TPGS1: variants seen among roughly 807,000 people sequenced by gnomAD.
TPGS1 encodes the protein gene trap ROSA b-geo 22.
Under a neutral mutation model 11.9 loss-of-function variants are expected in TPGS1, and 18 were observed. That is an observed-to-expected ratio of 1.51 (90% confidence interval 1.04 to 2.24). The LOEUF (loss-of-function observed/expected upper bound fraction) is 2.24, where lower values mean the gene tolerates loss of function less well. TPGS1 is among the 30% of genes most tolerant of loss of function. The pLI, the probability that TPGS1 is intolerant of heterozygous loss-of-function variation, is 0.00. For missense variants in TPGS1, 500 were observed against 443.0 expected, an observed-to-expected ratio of 1.13 and a Z score of -1.16; for synonymous variants, 247 against 218.2, an observed-to-expected ratio of 1.13 and a Z score of -1.16.
intron 1 of TPGS1, among the ~76,000 whole-genome samples, chr19:516,761 A>T (rs538934723): frequency 5.9e-5 from 9 of 152,240 alleles, no homozygotes; most frequent in Non-Finnish European, 7.4e-5. Flanking sequence ...CGTGCTAGGG[A>T]GGTAAGCAGG....
intron 1 of TPGS1, among the ~76,000 whole-genome samples, chr19:513,889 CACAACCCCAGCATT>C: frequency 6.6e-6 from 1 of 151,962 alleles, no homozygotes; most frequent in African/African-American, 2.4e-5. Flanking sequence ...ACCCACTGCA[CACAACCCCAGCATT>C]ACTGAGCACC....
intron 1 of TPGS1, among the ~76,000 whole-genome samples, chr19:517,114 C>G (rs949452425): frequency 6.6e-5 from 10 of 151,760 alleles, no homozygotes; most frequent in Non-Finnish European, 1.0e-4. Context: ...AGGGCAGGTG[C>G]TCACACTGGT....
At chr19:518,123 A>G (rs1441695953) in intron 1 of TPGS1, among the ~76,000 whole-genome samples, 25 of 37,490 alleles carry the variant, frequency 6.7e-4, no homozygotes, top group East Asian at 8.8e-4. Context: ...GCTGGGAGGA[A>G]GGAGGCCAGG....
At chr19:514,081 A>T (rs1292629413) in intron 1 of TPGS1, among the ~76,000 whole-genome samples, 4 of 150,922 alleles carry the variant, frequency 2.7e-5, no homozygotes, top group African/African-American at 9.8e-5. Context: ...ACATTTGCTG[A>T]GCACCTACTA....
intron 1 of TPGS1, among the ~76,000 whole-genome samples, chr19:511,647 C>T (rs1426523062): frequency 1.3e-5 from 2 of 152,252 alleles, no homozygotes; most frequent in Non-Finnish European, 1.5e-5. Flanking sequence ...CAGAGCCCTG[C>T]ACACCGAGGG....
In TPGS1 at chr19:511,772, C is replaced by G. The variant is rs561259310; in HGVS notation, c.338+3928C>G. 5.9e-5 allele frequency among the ~76,000 whole-genome samples: 9 copies of G among 152,394 alleles called. No homozygotes were observed. In the South Asian group the frequency reaches 1.4e-3, roughly 25 times the overall value. ...AATCCCGGCCCACAGACCTGTCAGT[C>G]AGAAGCTGCGAGCACGACAGGAACC... On this transcript the variant is annotated intron_variant, in intron 1 of 1. Coordinates refer to ENST00000359315, the MANE Select transcript of TPGS1 (RefSeq NM_033513.3).
At chr19:510,869 C>A (rs1040395902) in intron 1 of TPGS1, among the ~76,000 whole-genome samples, 3 of 152,228 alleles carry the variant, frequency 2.0e-5, no homozygotes, top group Non-Finnish European at 4.4e-5. Flanking sequence ...GTCCTGGGTA[C>A]TGCAGGGCCC....
Position 519,336 on chromosome 19 carries a change from G to T in TPGS1, c.786G>T (p.Gly262=), listed in dbSNP as rs112370786. 8.4e-7 allele frequency: 1 copy of T among 1,196,448 alleles called. No homozygotes were observed. Among genetic ancestry groups the T allele is most frequent in the Non-Finnish European group, 1.0e-6 (1 of 965,028 alleles). The allele number at this position is 1,196,448 out of a possible 1,614,324, so 74.1% of individuals were successfully genotyped here. Reference sequence around the variant, plus strand: ...TGGCGCTGGACCGCGCCGTCGGGGGGCGGCGGCCCAGCGCGCCCATGACCC... The same window carrying T: ...TGGCGCTGGACCGCGCCGTCGGGGGTCGGCGGCCCAGCGCGCCCATGACCC... The part of the protein sequence containing the change: ...LALALDRAVG[G]RRPSAPMTRE... Residue 262 remains glycine (G), a synonymous_variant, in exon 2 of 2, where the codon GGG becomes GGT. Transcript: ENST00000359315.
At chr19:513,350 T>C (rs11085082) in intron 1 of TPGS1, among the ~76,000 whole-genome samples, 32,528 of 152,164 alleles carry the variant, frequency 0.21, 4,043 homozygotes, top group Admixed American at 0.34. Context: ...AAAAGGAGCG[T>C]ACAGCCAGAT....
chr19:514,103 T>C (rs1011565613), intron 1 of TPGS1, among the ~76,000 whole-genome samples: 1 of 145,258 alleles, frequency 6.9e-6, no homozygotes, highest in East Asian at 2.1e-4. Context: ...GTACCAGCCC[T>C]GCATTCACTA....
chr19:519,521 C>G lies in TPGS1; in HGVS notation c.*98C>G, dbSNP rs1255435266. 6 of 1,077,870 alleles carry G rather than the reference C, an allele frequency of 5.6e-6. No individual in the cohort carries two copies. In the African/African-American group the frequency reaches 8.4e-5, roughly 15 times the overall value. The allele number at this position is 1,077,870 out of a possible 1,614,324, so 66.8% of individuals were successfully genotyped here. On this transcript the variant is annotated 3_prime_UTR_variant, in exon 2 of 2. Transcript: ENST00000359315. Reference sequence around the variant, plus strand: ...TCGCCCTGGTGAGGCCCTGCCATAACCAGGCGCCCAGCCCTGCGGAGGAGG... The same window carrying G: ...TCGCCCTGGTGAGGCCCTGCCATAAGCAGGCGCCCAGCCCTGCGGAGGAGG...
chr19:511,083 CA>C (rs1202786321), intron 1 of TPGS1, among the ~76,000 whole-genome samples: 2 of 152,254 alleles, frequency 1.3e-5, no homozygotes, highest in Non-Finnish European at 2.9e-5. Context: ...ACACGCCTTA[CA>C]AACCGCTCTG....
rs1355917033 is a variant in TPGS1, at chr19:519,552, G to A, written c.*129G>A. The A allele has an allele frequency of 2.7e-5, 25 of 931,324 alleles. No homozygotes were observed. Among genetic ancestry groups the A allele is most frequent in the Non-Finnish European group, 3.4e-5 (25 of 734,578 alleles). 57.7% of individuals were successfully genotyped at this position (931,324 alleles called of 1,614,324 possible). Reference sequence around the variant, plus strand: ...GCCCAGCCCTGCGGAGGAGGCCGGGGCTCCCAGGAAGCGGACGCCCGGTCC... The same window carrying A: ...GCCCAGCCCTGCGGAGGAGGCCGGGACTCCCAGGAAGCGGACGCCCGGTCC... On this transcript the variant is annotated 3_prime_UTR_variant, in exon 2 of 2. Coordinates refer to ENST00000359315, the MANE Select transcript of TPGS1 (RefSeq NM_033513.3).
intron 1 of TPGS1, among the ~76,000 whole-genome samples, chr19:510,800 C>T (rs891595601): frequency 1.3e-5 from 2 of 152,202 alleles, no homozygotes; most frequent in East Asian, 1.9e-4. Context: ...AAAACGTGCA[C>T]GAAAACGAAG....
Position 519,537 on chromosome 19 carries a change from GCGGAGGAGGC to G in TPGS1, c.*118_*127del. ...CTGCCATAACCAGGCGCCCAGCCCT[GCGGAGGAGGC>G]CGGGGCTCCCAGGAAGCGGACGCCC... On this transcript the variant is annotated 3_prime_UTR_variant, in exon 2 of 2. Transcript: ENST00000359315. 9.9e-7 allele frequency: 1 copy of G among 1,008,830 alleles called. No homozygotes were observed. 62.5% of individuals were successfully genotyped at this position (1,008,830 alleles called of 1,614,324 possible). A position where few individuals can be genotyped will look rare whatever the true frequency, so the allele number is the denominator to read the frequency against.
At chr19:517,391 AG>A (rs1978983902) in intron 1 of TPGS1, among the ~76,000 whole-genome samples, 4 of 23,654 alleles carry the variant, frequency 1.7e-4, no homozygotes, top group East Asian at 1.1e-3. Flanking sequence ...GGAGGCTGGG[AG>A]GGGGGAGGCC....
chr19:512,780 G>A (rs1978838169), intron 1 of TPGS1, among the ~76,000 whole-genome samples: 1 of 152,268 alleles, frequency 6.6e-6, no homozygotes, highest in South Asian at 2.1e-4. Flanking sequence ...GAACGGGACT[G>A]CAGAAGCAAC....
intron 1 of TPGS1, chr19:510,392 C>A: frequency 6.6e-6 from 1 of 152,226 alleles, no homozygotes; most frequent in Non-Finnish European, 1.5e-5. Flanking sequence ...AAAAGAGAAG[C>A]TCAGAGCCTG....
In TPGS1 at chr19:519,338, G is replaced by C; in HGVS notation, c.788G>C (p.Arg263Pro). The C allele has an allele frequency of 2.5e-6, 3 of 1,198,442 alleles. No homozygotes were observed. The highest frequency in any genetic ancestry group is 3.1e-6 in the Non-Finnish European group (3 of 966,058). The allele number at this position is 1,198,442 out of a possible 1,614,324, so 74.2% of individuals were successfully genotyped here. The change falls in exon 2 of 2, where the codon CGG (arginine) becomes CCG (proline). Residue 263 changes from arginine to proline, a missense_variant. Coordinates refer to ENST00000359315, the MANE Select transcript of TPGS1 (RefSeq NM_033513.3). ...ALALDRAVGG[R>P]RPSAPMTREE... ...GCGCTGGACCGCGCCGTCGGGGGGC[G>C]GCGGCCCAGCGCGCCCATGACCCGC...
Sources: gnomAD v4.1 joint callset for allele counts (sites outside exome capture counted in the v4.1 genomes callset) on GRCh38, gnomAD v4.1.1 for gene constraint, MANE v1.5 for transcripts, NCBI Gene and HGNC (gene_info 2026-07-23, HGNC 2026-07-21) for gene names.